MNAT1: variants seen among roughly 807,000 people sequenced by gnomAD.
MNAT1 encodes the protein MNAT1 component of CDK activating kinase.
Under a neutral mutation model 42.0 loss-of-function variants are expected in MNAT1, and 43 were observed. The observed-to-expected ratio is 1.02, with a 90% confidence interval of 0.80 to 1.32. The LOEUF (loss-of-function observed/expected upper bound fraction) is 1.32, where lower values mean the gene tolerates loss of function less well. Ranked by LOEUF, MNAT1 falls within the 40% of genes most tolerant of loss-of-function variation. The probability of loss-of-function intolerance (pLI) is 0.00; values close to 1 mark genes in which losing one functional copy is unlikely to be tolerated. For synonymous variants in MNAT1, 118 were observed against 120.0 expected, an observed-to-expected ratio of 0.98 and a Z score of 0.11; for missense variants, 306 against 350.4, an observed-to-expected ratio of 0.87 and a Z score of 1.01.
At chr14:60,925,200 A>G (rs2035742303) in intron 7 of MNAT1, among the ~76,000 whole-genome samples, 1 of 152,226 alleles carries the variant, frequency 6.6e-6, no homozygotes, top group African/African-American at 2.4e-5. Flanking sequence ...ACGTTGTATT[A>G]GGTATTATAA....
At chr14:60,890,064 G>T (rs371803736) in intron 7 of MNAT1, among the ~76,000 whole-genome samples, 2 of 152,254 alleles carry the variant, frequency 1.3e-5, no homozygotes, top group Non-Finnish European at 2.9e-5. Context: ...GGATCTAGAA[G>T]TAGAAATACC....
chr14:60,931,798 T>A (rs2035890577), intron 7 of MNAT1, among the ~76,000 whole-genome samples: 1 of 152,114 alleles, frequency 6.6e-6, no homozygotes, highest in Non-Finnish European at 1.5e-5. Flanking sequence ...TTTGACACTC[T>A]GAAAAGAGCT....
intron 1 of MNAT1, among the ~76,000 whole-genome samples, chr14:60,771,603 C>G (rs2031059475): frequency 6.6e-6 from 1 of 152,238 alleles, no homozygotes; most frequent in Non-Finnish European, 1.5e-5. Flanking sequence ...AGCGTCCCTT[C>G]TGTCTTACAT....
At chr14:60,909,521 C>G (rs949208553) in intron 7 of MNAT1, among the ~76,000 whole-genome samples, 1 of 152,176 alleles carries the variant, frequency 6.6e-6, no homozygotes, top group Non-Finnish European at 1.5e-5. Flanking sequence ...GGAAGGGCTC[C>G]AGTTTCAGCT....
chr14:60,743,580 C>T (rs1309399775), intron 1 of MNAT1, among the ~76,000 whole-genome samples: 3 of 152,218 alleles, frequency 2.0e-5, no homozygotes, highest in African/African-American at 2.4e-5. Context: ...TGAGCCACTG[C>T]GCCCAGCTCC....
chr14:60,796,508 G>T (rs1030461541), intron 2 of MNAT1, 139 bp downstream of exon 2: 17 of 723,126 alleles, frequency 2.4e-5, no homozygotes, highest in African/African-American at 5.5e-5. Context: ...TTAGAGAACT[G>T]AGTAATATTA....
Position 60,739,129 on chromosome 14 carries a change from G to A in MNAT1, c.89+4178G>A, listed in dbSNP as rs149506710. On this transcript the variant is annotated intron_variant, in intron 1 of 7. Coordinates refer to ENST00000261245, the MANE Select transcript of MNAT1 (RefSeq NM_002431.4). ...ACTCTTCCATAGGGCTACTTATGAC[G>A]TGGCTTCTCCCAGAACTAGTGATAT... Among the ~76,000 whole-genome samples, 702 of 152,198 alleles carry A rather than the reference G, an allele frequency of 4.6e-3. 5 individuals are homozygous for A. The highest frequency in any genetic ancestry group is 0.016 in the African/African-American group (666 of 41,510).
intron 7 of MNAT1, among the ~76,000 whole-genome samples, chr14:60,886,795 T>C (rs1026372425): frequency 6.6e-6 from 1 of 152,136 alleles, no homozygotes; most frequent in Non-Finnish European, 1.5e-5. Flanking sequence ...TTTGTACATA[T>C]AGGATCATGT....
At chr14:60,942,695 AT>A (rs1466877174) in intron 7 of MNAT1, among the ~76,000 whole-genome samples, 8 of 152,154 alleles carry the variant, frequency 5.3e-5, no homozygotes, top group African/African-American at 1.4e-4. Context: ...GAATAAAAAA[AT>A]AGTAGATACA....
rs570293614 is a variant in MNAT1, at chr14:60,961,409, A to G, written c.810-6820A>G. Among the ~76,000 whole-genome samples the G allele has an allele frequency of 2.6e-5, 4 of 152,190 alleles. No individual in the cohort carries two copies. In the East Asian group the frequency reaches 7.7e-4, roughly 29 times the overall value. On this transcript the variant is annotated intron_variant, in intron 7 of 7. Coordinates refer to ENST00000261245, the MANE Select transcript of MNAT1 (RefSeq NM_002431.4). ...CCTGAGCTGAAACCACCTGTCCCCT[A>G]TATTCTCAATATGTACTGTGTCTCC...
chr14:60,734,981 GGA>G lies in MNAT1; in HGVS notation c.89+35_89+36del, dbSNP rs777391261. The stretch of plus-strand genomic sequence containing the variant: ...GTTGGGCGGCAGTGGATTCCCTGGG[GGA>G]GAGACGCGCTGGGTGGGAGGAGAGG... On this transcript the variant is annotated intron_variant, in intron 1 of 7. Transcript: ENST00000261245. This position sits in a 1 kb window ranked among gnomAD's most constrained non-coding sequence, Gnocchi z 4.3. The G allele has an allele frequency of 1.2e-6, 2 of 1,605,120 alleles. No individual in the cohort carries two copies. Among genetic ancestry groups the G allele is most frequent in the Non-Finnish European group, 1.7e-6 (2 of 1,171,808 alleles).
rs1044962400 is a variant in MNAT1 at position 60,784,379 on chromosome 14, G to A, written c.90-11838G>A. On this transcript the variant is annotated intron_variant, in intron 1 of 7. Transcript: ENST00000261245. ...TTTAAATAGAGATGAGGGTCTTGCT[G>A]TGTTGCTCAGGCTGGTCTTGAACCC... 3.3e-5 allele frequency among the ~76,000 whole-genome samples: 5 copies of A among 150,894 alleles called. No homozygotes were observed. In the South Asian group the frequency reaches 1.1e-3, roughly 32 times the overall value.
chr14:60,957,948 C>A (rs1390874323), intron 7 of MNAT1, among the ~76,000 whole-genome samples: 1 of 152,114 alleles, frequency 6.6e-6, no homozygotes, highest in Non-Finnish European at 1.5e-5. Context: ...AGTGATTCTC[C>A]TGCCCCAACC....
chr14:60,822,263 G>A (rs1332485104), intron 6 of MNAT1, among the ~76,000 whole-genome samples: 1 of 152,016 alleles, frequency 6.6e-6, no homozygotes, highest in African/African-American at 2.4e-5. Context: ...GAAATGAATT[G>A]GAATGGCGAG....
At chr14:60,915,227 C>T (rs1339060486) in intron 7 of MNAT1, among the ~76,000 whole-genome samples, 1 of 152,062 alleles carries the variant, frequency 6.6e-6, no homozygotes, top group Non-Finnish European at 1.5e-5. Flanking sequence ...CCTTGGTTTC[C>T]AATTTTATAG....
rs17097847 is a variant in MNAT1, at chr14:60,865,567, T to C, written c.688-14147T>C. ...TCTGATCTTTTTATAGAAACAGATATGGTTTGCTGGACACTATGTCCTCTT... is the reference window on the plus strand; with the variant it reads ...TCTGATCTTTTTATAGAAACAGATACGGTTTGCTGGACACTATGTCCTCTT... On this transcript the variant is annotated intron_variant, in intron 6 of 7. Transcript: ENST00000261245. Among the ~76,000 whole-genome samples, 786 of 152,198 alleles carry C rather than the reference T, an allele frequency of 5.2e-3. 14 individuals are homozygous for C. The highest frequency in any genetic ancestry group is 0.018 in the African/African-American group (737 of 41,564).
chr14:60,825,681 T>G (rs1377541616), intron 6 of MNAT1, among the ~76,000 whole-genome samples: 1 of 152,208 alleles, frequency 6.6e-6, no homozygotes, highest in Admixed American at 6.5e-5. Context: ...AAGATGATGC[T>G]GAAACTCATT....
At chr14:60,889,240 A>G (rs888458846) in intron 7 of MNAT1, among the ~76,000 whole-genome samples, 8 of 152,238 alleles carry the variant, frequency 5.3e-5, no homozygotes, top group African/African-American at 1.9e-4. Flanking sequence ...TGGCACTGGT[A>G]CCAAAACAGA....
chr14:60,877,840 T>C (rs922128920), intron 6 of MNAT1, among the ~76,000 whole-genome samples: 2 of 152,094 alleles, frequency 1.3e-5, no homozygotes, highest in Non-Finnish European at 2.9e-5. Flanking sequence ...AGTTATCCAG[T>C]AGTTCTTTCT....
Sources: gnomAD v4.1 joint callset for allele counts (sites outside exome capture counted in the v4.1 genomes callset) on GRCh38, gnomAD v4.1.1 for gene constraint, Gnocchi (gnomAD v3.1) non-coding constraint, MANE v1.5 for transcripts, NCBI Gene and HGNC (gene_info 2026-07-23, HGNC 2026-07-21) for gene names.